Variants in SPATA13 observed in about 807,000 individuals in gnomAD.
SPATA13 encodes spermatogenesis-associated protein 13.
In SPATA13, 50 loss-of-function variants were observed where a neutral mutation model predicts 104.0. The observed-to-expected ratio is 0.48, with a 90% CI of 0.38 to 0.61. SPATA13 has a LOEUF of 0.61. SPATA13 is among the 20% of genes least tolerant of loss of function. The pLI, the probability that SPATA13 is intolerant of heterozygous loss-of-function variation, is 0.00. For missense variants in SPATA13, 1,524 were observed against 1,690.6 expected (o/e 0.90, Z 1.73); for synonymous variants, 606 against 667.5 (o/e 0.91, Z 1.42).
At chr13:24,079,464 C>T (rs1879438996) in intron 3 of SPATA13, among the ~76,000 whole-genome samples, 2 of 152,144 alleles carry the variant, frequency 1.3e-5, no homozygotes, top group South Asian at 4.1e-4. Context: ...TGGGCTTTTC[C>T]ATTTGAAAGA....
intron 1 of SPATA13, among the ~76,000 whole-genome samples, chr13:24,175,248 T>TTTG (rs950529556): frequency 1.3e-5 from 2 of 152,016 alleles, no homozygotes; most frequent in Admixed American, 6.6e-5. Context: ...TTAATTTGTT[T>TTTG]TTGTTGTTGT....
chr13:24,115,576 C>A (rs961367683), intron 3 of SPATA13, among the ~76,000 whole-genome samples: 1 of 152,248 alleles, frequency 6.6e-6, no homozygotes, highest in Non-Finnish European at 1.5e-5. Context: ...CATCTCTCTC[C>A]CTTCATGTCC....
At chr13:24,254,336 C>T (rs1317757053) in intron 4 of SPATA13, 3 of 152,152 alleles carry the variant, frequency 2.0e-5, no homozygotes, top group African/African-American at 4.8e-5. Flanking sequence ...CTATGTTTAC[C>T]CTTGGTTTCC....
chr13:24,242,276 C>G (rs2138646574), intron 2 of SPATA13, among the ~76,000 whole-genome samples: 1 of 152,150 alleles, frequency 6.6e-6, no homozygotes, highest in Admixed American at 6.5e-5. Context: ...AGAGTCCAAG[C>G]CGGATGCATG....
At chr13:24,078,181 A>C (rs1357499355) in intron 3 of SPATA13, among the ~76,000 whole-genome samples, 2 of 152,042 alleles carry the variant, frequency 1.3e-5, no homozygotes, top group African/African-American at 4.8e-5. Context: ...ACCTGCAAAT[A>C]CCAAAGACCT....
At chr13:24,178,799 C>A (rs560270418) in intron 1 of SPATA13, among the ~76,000 whole-genome samples, 1 of 152,092 alleles carries the variant, frequency 6.6e-6, no homozygotes. Flanking sequence ...TGATATGTAA[C>A]GCATCCATTT....
chr13:24,241,589 T>G (rs931440246), intron 2 of SPATA13, among the ~76,000 whole-genome samples: 1 of 151,984 alleles, frequency 6.6e-6, no homozygotes, highest in Non-Finnish European at 1.5e-5. Flanking sequence ...ATGCACGGAG[T>G]GATGCCTGGA....
chr13:24,202,041 C>T (rs183567324), intron 1 of SPATA13, among the ~76,000 whole-genome samples: 60 of 151,422 alleles, frequency 4.0e-4, no homozygotes, highest in Admixed American at 2.0e-3. Context: ...GCTCATTTCT[C>T]CAGCCTGGGG....
At chr13:24,133,262 A>C (rs1282232028) in intron 3 of SPATA13, among the ~76,000 whole-genome samples, 1 of 152,208 alleles carries the variant, frequency 6.6e-6, no homozygotes, top group African/African-American at 2.4e-5. Context: ...GGAAAGAGAA[A>C]TGTGAAACAC....
chr13:24,152,301 C>T (rs1224505659), intron 3 of SPATA13, among the ~76,000 whole-genome samples: 1 of 152,214 alleles, frequency 6.6e-6, no homozygotes, highest in Non-Finnish European at 1.5e-5. Flanking sequence ...TCCTCCCATT[C>T]ATGAGGGTGG....
rs548174666 is a variant in SPATA13 at position 24,006,313 on chromosome 13, A to G, written c.-146-11354A>G. On this transcript the variant is annotated intron_variant, in intron 2 of 14. Coordinates refer to the SPATA13 transcript ENST00000424834. ...GATCAACTAACTCATCAGCAGGTAA[A>G]CACACAGGGCCTTCGTGGCACCTCA... Among the ~76,000 whole-genome samples the G allele has an allele frequency of 1.1e-3, 174 of 152,330 alleles. 3 individuals carry two copies. Among genetic ancestry groups the G allele is most frequent in the African/African-American group, 3.8e-3 (158 of 41,580 alleles).
chr13:24,290,700 G>A lies in SPATA13; in HGVS notation c.2896G>A (p.Ala966Thr), dbSNP rs145134345. ...YSEYCNNHPGACLELANLMKQ... is the reference protein window; with the variant it reads ...YSEYCNNHPGTCLELANLMKQ... ...CGAGTACTGCAACAACCACCCGGGCGCCTGCCTGGAGCTCGCCAACCTCAT... is the reference window on the plus strand; with the variant it reads ...CGAGTACTGCAACAACCACCCGGGCACCTGCCTGGAGCTCGCCAACCTCAT... Residue 966 changes from alanine to threonine, a missense_variant, in exon 9 of 13, where the codon GCC becomes ACC. This residue lies in a region of SPATA13 where 435 missense variants were observed against 554.8 expected (regional missense o/e 0.78). Transcript: ENST00000382108. 3.3e-5 allele frequency: 54 copies of A among 1,614,084 alleles called. No individual in the cohort carries two copies. Among genetic ancestry groups the A allele is most frequent in the Non-Finnish European group, 1.6e-5 (19 of 1,180,056 alleles).
At chr13:24,251,070 T>C (rs899777398) in intron 3 of SPATA13, among the ~76,000 whole-genome samples, 35 of 152,238 alleles carry the variant, frequency 2.3e-4, no homozygotes, top group Admixed American at 9.8e-4. Context: ...GGGCCTTTGA[T>C]TAATAGTTTT....
Position 24,088,279 on chromosome 13 carries a change from G to A in SPATA13, c.-112+70578G>A, listed in dbSNP as rs780946338. 2.0e-5 allele frequency among the ~76,000 whole-genome samples: 3 copies of A among 152,158 alleles called. No homozygotes were observed. Among genetic ancestry groups the A allele is most frequent in the Non-Finnish European group, 2.9e-5 (2 of 68,024 alleles). On this transcript the variant is annotated intron_variant, in intron 3 of 14. Transcript: ENST00000424834. This position sits in a 1 kb window ranked among gnomAD's most constrained non-coding sequence, Gnocchi z 4.3. The stretch of plus-strand genomic sequence containing the variant: ...TTTGCATTCTACAGATGAGCACACC[G>A]AGGCTCAGAGCGGTAAGGAATTGGC...
At chr13:24,209,565 C>T (rs1169109207) in intron 1 of SPATA13, among the ~76,000 whole-genome samples, 1 of 152,164 alleles carries the variant, frequency 6.6e-6, no homozygotes, top group Admixed American at 6.5e-5. Flanking sequence ...TAATATCCTC[C>T]AGCTTTATCA....
At chr13:24,124,676 TA>T (rs1208718474) in intron 3 of SPATA13, among the ~76,000 whole-genome samples, 1 of 152,248 alleles carries the variant, frequency 6.6e-6, no homozygotes, top group Non-Finnish European at 1.5e-5. Context: ...TTAGCAATTC[TA>T]TATTGTATAG....
chr13:24,070,036 G>T (rs896442297), intron 3 of SPATA13, among the ~76,000 whole-genome samples: 10 of 152,218 alleles, frequency 6.6e-5, no homozygotes, highest in African/African-American at 2.4e-4. Context: ...AGGCTAGGCA[G>T]CATGGACATT....
intron 4 of SPATA13, chr13:24,278,894 TTCCTTCC>T: frequency 1.8e-6 from 2 of 1,111,126 alleles, no homozygotes; most frequent in African/African-American, 3.7e-5. Context: ...CCTTCCTTCC[TTCCTTCC>T]TTCCTTCCTT....
At chr13:24,182,854 A>G (rs1048144345) in intron 1 of SPATA13, among the ~76,000 whole-genome samples, 1 of 152,210 alleles carries the variant, frequency 6.6e-6, no homozygotes, top group Admixed American at 6.5e-5. Context: ...GCGCCACATC[A>G]GTCGGGCCAG....
Sources: allele counts gnomAD v4.1 joint callset (sites outside exome capture counted in the v4.1 genomes callset), GRCh38; gene constraint gnomAD v4.1.1; regional missense constraint gnomAD v4.1.1; non-coding constraint Gnocchi (gnomAD v3.1); transcripts MANE v1.5; gene names NCBI Gene and HGNC (gene_info 2026-07-23, HGNC 2026-07-21).